ESRRG: variants seen among roughly 807,000 people sequenced by gnomAD.
ESRRG encodes the protein estrogen related receptor gamma, also known as estrogen-related receptor gamma.
A neutral mutation model predicts 44.0 loss-of-function variants in ESRRG; 13 were observed. The observed-to-expected ratio is 0.30, with a 90% CI of 0.19 to 0.47. The LOEUF is 0.47. Ranked by LOEUF, ESRRG falls within the 20% of genes least tolerant of loss-of-function variation. The pLI, the probability that ESRRG is intolerant of heterozygous loss-of-function variation, is 1.00. For missense variants in ESRRG, 395 were observed against 580.6 expected (o/e 0.68, Z 3.29); for synonymous variants, 215 against 214.6 (o/e 1.00, Z -0.02).
intron 2 of ESRRG, among the ~76,000 whole-genome samples, chr1:216,844,403 G>A (rs1048480226): frequency 1.3e-5 from 2 of 152,050 alleles, no homozygotes; most frequent in African/African-American, 2.4e-5. Context: ...AAACCTCCCC[G>A]AAGCTTGCTA....
At chr1:216,642,334 A>G (rs1292124993) in intron 3 of ESRRG, among the ~76,000 whole-genome samples, 4 of 152,144 alleles carry the variant, frequency 2.6e-5, no homozygotes, top group Admixed American at 2.6e-4. Context: ...AATCTGTGTT[A>G]TTAGTCTTAC....
At chr1:216,622,949 C>A (rs1271035753) in intron 3 of ESRRG, among the ~76,000 whole-genome samples, 1 of 151,796 alleles carries the variant, frequency 6.6e-6, no homozygotes, top group Non-Finnish European at 1.5e-5. Flanking sequence ...CTAAACAGTT[C>A]TTATAGAAGA....
At chr1:216,831,922 C>T (rs183983964) in intron 2 of ESRRG, among the ~76,000 whole-genome samples, 7 of 152,014 alleles carry the variant, frequency 4.6e-5, no homozygotes, top group Non-Finnish European at 1.0e-4. Context: ...ATTTATTGTT[C>T]TTTTTTCCCC....
chr1:216,824,509 C>T (rs2148659067), intron 2 of ESRRG, among the ~76,000 whole-genome samples: 1 of 148,872 alleles, frequency 6.7e-6, no homozygotes, highest in Non-Finnish European at 1.5e-5. Flanking sequence ...CTGTATTAGA[C>T]AGAGTGTGAA....
chr1:216,677,405 G>A lies in ESRRG; in HGVS notation c.143C>T (p.Ser48Phe), dbSNP rs1435255843. ...GTGGTGGTTGACGCTGTCCGTCAGGGAGGCTGGGCTGGAAGGTTCCGTCTT... is the reference window on the plus strand; with the variant it reads ...GTGGTGGTTGACGCTGTCCGTCAGGAAGGCTGGGCTGGAAGGTTCCGTCTT... ...FIKTEPSSPA[S>F]LTDSVNHHSP... Residue 48 changes from serine (S) to phenylalanine (F), a missense_variant, in exon 2 of 7, where the codon TCC becomes TTC. Transcript: ENST00000408911. 1 of 1,614,176 alleles carries A rather than the reference G, an allele frequency of 6.2e-7. No individual in the cohort carries two copies. The highest frequency in any genetic ancestry group is 8.5e-7 in the Non-Finnish European group (1 of 1,180,034).
chr1:217,034,475 C>CCCT (rs2082543779), intron 1 of ESRRG, among the ~76,000 whole-genome samples: 1 of 151,970 alleles, frequency 6.6e-6, no homozygotes, highest in Admixed American at 6.6e-5. Flanking sequence ...TCGGATAGGC[C>CCCT]CGGAGGATTT....
intron 2 of ESRRG, among the ~76,000 whole-genome samples, chr1:216,860,746 C>T (rs1030358643): frequency 1.3e-5 from 2 of 152,028 alleles, no homozygotes; most frequent in African/African-American, 4.8e-5. Flanking sequence ...CAAGGAAGTC[C>T]TTGTTACAGA....
At position 216,691,558 on chromosome 1, in the gene ESRRG, C is replaced by G. The variant is rs141738214; in HGVS notation, c.57-14067G>C. Among the ~76,000 whole-genome samples, 199 of 152,278 alleles carry G rather than the reference C, an allele frequency of 1.3e-3. 1 individual carries two copies. The highest frequency in any genetic ancestry group is 3.4e-3 in the Middle Eastern group (1 of 294). ...TTAACTTTCACACACACAAAGGTTACAGCATTTAGTATTAAGGAGAAACGA... is the reference window on the plus strand; with the variant it reads ...TTAACTTTCACACACACAAAGGTTAGAGCATTTAGTATTAAGGAGAAACGA... On this transcript the variant is annotated intron_variant, in intron 1 of 6. Coordinates refer to ENST00000408911, the MANE Select transcript of ESRRG (RefSeq NM_001438.4).
At chr1:216,899,076 G>A (rs374839146) in intron 2 of ESRRG, among the ~76,000 whole-genome samples, 1 of 152,148 alleles carries the variant, frequency 6.6e-6, no homozygotes, top group Non-Finnish European at 1.5e-5. Flanking sequence ...GTAACAGGGT[G>A]TGACTGAATG....
chr1:217,098,783 T>C (rs2092461785), intron 1 of ESRRG, among the ~76,000 whole-genome samples: 1 of 152,338 alleles, frequency 6.6e-6, no homozygotes, highest in Non-Finnish European at 1.5e-5. Context: ...GATTGAACAG[T>C]GAAACCACTT....
intron 2 of ESRRG, among the ~76,000 whole-genome samples, chr1:216,756,638 TATGA>T (rs1234473757): frequency 1.3e-5 from 2 of 152,004 alleles, no homozygotes; most frequent in African/African-American, 4.8e-5. Context: ...GAAGGGGAGC[TATGA>T]ATAAGATTTC....
intron 5 of ESRRG, among the ~76,000 whole-genome samples, chr1:216,544,471 A>T (rs1019882777): frequency 6.6e-6 from 1 of 151,952 alleles, no homozygotes; most frequent in Non-Finnish European, 1.5e-5. Flanking sequence ...TTACTGAGGA[A>T]TACGGGGGAT....
At chr1:216,774,915 C>T (rs1020049287) in intron 2 of ESRRG, among the ~76,000 whole-genome samples, 1 of 150,430 alleles carries the variant, frequency 6.6e-6, no homozygotes. Flanking sequence ...AATCCTCCCA[C>T]CTCAGCCTCT....
chr1:216,902,853 C>A (rs2059244927), intron 2 of ESRRG, among the ~76,000 whole-genome samples: 1 of 152,144 alleles, frequency 6.6e-6, no homozygotes, highest in South Asian at 2.1e-4. Flanking sequence ...TTTTTAGTGG[C>A]AGTTCTTTAC....
intron 1 of ESRRG, among the ~76,000 whole-genome samples, chr1:216,694,352 A>G (rs886835677): frequency 6.6e-6 from 1 of 152,138 alleles, no homozygotes; most frequent in Non-Finnish European, 1.5e-5. Flanking sequence ...GTGGTGCTGA[A>G]GAATACTGTA....
intron 2 of ESRRG, among the ~76,000 whole-genome samples, chr1:216,929,217 A>G (rs557892303): frequency 6.6e-6 from 1 of 152,292 alleles, no homozygotes; most frequent in East Asian, 1.9e-4. Flanking sequence ...AGGCTCTGTT[A>G]ACAATTGGTG....
chr1:216,839,222 C>T (rs1057396398), intron 2 of ESRRG, among the ~76,000 whole-genome samples: 1 of 152,180 alleles, frequency 6.6e-6, no homozygotes, highest in East Asian at 1.9e-4. Context: ...TAAGAAACTA[C>T]TCATCTGTAA....
At chr1:216,511,775 C>T (rs1231112321) in intron 6 of ESRRG, among the ~76,000 whole-genome samples, 1 of 152,056 alleles carries the variant, frequency 6.6e-6, no homozygotes, top group Non-Finnish European at 1.5e-5. Flanking sequence ...TCTAGAACTA[C>T]GAGGTATTCA....
At chr1:216,587,289 A>T (rs1375085459) in intron 3 of ESRRG, among the ~76,000 whole-genome samples, 2 of 152,206 alleles carry the variant, frequency 1.3e-5, no homozygotes, top group Admixed American at 1.3e-4. Context: ...CTATACCTTG[A>T]TTACAGTATG....
Sources: allele counts gnomAD v4.1 joint callset (sites outside exome capture counted in the v4.1 genomes callset), GRCh38; gene constraint gnomAD v4.1.1; transcripts MANE v1.5; gene names NCBI Gene and HGNC (gene_info 2026-07-23, HGNC 2026-07-21).